The following RCAN2 variants were observed in gnomAD, a reference collection of about 807,000 sequenced individuals.
The protein encoded by RCAN2 is regulator of calcineurin 2.
In RCAN2, 9 loss-of-function variants were observed where a neutral mutation model predicts 23.6. That is an observed-to-expected ratio of 0.38 (90% CI 0.23 to 0.67). The LOEUF is 0.67. Ranked by LOEUF, RCAN2 falls within the 30% of genes least tolerant of loss-of-function variation. The pLI is 0.51. For missense variants in RCAN2, 273 were observed against 302.3 expected (o/e 0.90, Z 0.72); for synonymous variants, 109 against 115.7 (o/e 0.94, Z 0.37).
chr6:46,376,731 G>A lies in RCAN2; in HGVS notation c.225+80021C>T, dbSNP rs183785998. On this transcript the variant is annotated intron_variant, in intron 2 of 4. Transcript: ENST00000371374. ...ACAAACAAACAAAAAAAAAAAACAC[G>A]GTAGGCTCTGGGCCTCCACTCAGAG... Among the ~76,000 whole-genome samples the A allele has an allele frequency of 3.4e-4, 51 of 151,914 alleles. 1 individual carries two copies. The highest frequency in any genetic ancestry group is 1.2e-3 in the African/African-American group (48 of 41,402).
intron 2 of RCAN2, among the ~76,000 whole-genome samples, chr6:46,428,603 G>A (rs532482236): frequency 4.3e-4 from 66 of 152,328 alleles, no homozygotes; most frequent in African/African-American, 1.3e-3. Flanking sequence ...TAATCATCAT[G>A]CTTTGGATAT....
chr6:46,246,549 C>T (rs910555927), intron 4 of RCAN2, among the ~76,000 whole-genome samples, 199 bp downstream of exon 4: 5 of 152,160 alleles, frequency 3.3e-5, no homozygotes, highest in Admixed American at 1.3e-4. Flanking sequence ...AGTACAGGTT[C>T]CTGAGTTGCT....
At chr6:46,241,272 G>C (rs960313595) in intron 4 of RCAN2, among the ~76,000 whole-genome samples, 1 of 152,152 alleles carries the variant, frequency 6.6e-6, no homozygotes, top group Non-Finnish European at 1.5e-5. Flanking sequence ...TCTGGAGTCA[G>C]GAACAACAGA....
intron 2 of RCAN2, among the ~76,000 whole-genome samples, chr6:46,284,942 AC>A (rs1762323260): frequency 6.6e-6 from 1 of 152,230 alleles, no homozygotes; most frequent in South Asian, 2.1e-4. Flanking sequence ...GATTCTTTCA[AC>A]CTTCATTAAT....
At chr6:46,278,791 G>A (rs972966198) in intron 2 of RCAN2, among the ~76,000 whole-genome samples, 6 of 151,932 alleles carry the variant, frequency 3.9e-5, no homozygotes, top group African/African-American at 1.2e-4. Context: ...GATTAGATTC[G>A]GGCAATACAT....
At chr6:46,450,547 T>A (rs1312152584) in intron 2 of RCAN2, among the ~76,000 whole-genome samples, 1 of 152,096 alleles carries the variant, frequency 6.6e-6, no homozygotes, top group Non-Finnish European at 1.5e-5. Context: ...TTAACCTAAG[T>A]GTTCATCAAT....
At chr6:46,351,278 A>T (rs544519385) in intron 2 of RCAN2, among the ~76,000 whole-genome samples, 2 of 152,158 alleles carry the variant, frequency 1.3e-5, no homozygotes, top group African/African-American at 4.8e-5. Context: ...ACACTTCACA[A>T]CCAAGGCTTC....
chr6:46,454,836 C>T (rs1561912463), intron 2 of RCAN2, among the ~76,000 whole-genome samples: 1 of 152,186 alleles, frequency 6.6e-6, no homozygotes, highest in Non-Finnish European at 1.5e-5. Flanking sequence ...TAGATGTGTA[C>T]AGACTCCCAT....
intron 2 of RCAN2, among the ~76,000 whole-genome samples, chr6:46,349,486 G>A (rs1205653239): frequency 6.6e-6 from 1 of 151,856 alleles, no homozygotes; most frequent in Non-Finnish European, 1.5e-5. Context: ...TAAATGACAG[G>A]TTGATAGGTG....
In RCAN2 at chr6:46,284,596, C is replaced by T. The variant is rs1443876614; in HGVS notation, c.226-35700G>A. 2.6e-5 allele frequency among the ~76,000 whole-genome samples: 4 copies of T among 152,164 alleles called. No individual in the cohort carries two copies. In the East Asian group the frequency reaches 7.7e-4, roughly 29 times the overall value. ...GCAGCAAAGGAGAAACTGACATTTG[C>T]ATCATGACTATTCCTAAGTGGTCCT... On this transcript the variant is annotated intron_variant, in intron 2 of 4. Coordinates refer to ENST00000371374, the MANE Select transcript of RCAN2 (RefSeq NM_001251974.2).
At chr6:46,446,388 C>A (rs1039954457) in intron 2 of RCAN2, among the ~76,000 whole-genome samples, 1 of 151,984 alleles carries the variant, frequency 6.6e-6, no homozygotes, top group Non-Finnish European at 1.5e-5. Flanking sequence ...AAAAATACTT[C>A]CCCAGACAAA....
chr6:46,416,897 G>A (rs925754239), intron 2 of RCAN2, among the ~76,000 whole-genome samples: 6 of 152,150 alleles, frequency 3.9e-5, no homozygotes, highest in Non-Finnish European at 7.4e-5. Flanking sequence ...GCTTATTATA[G>A]AACTGAGATT....
At chr6:46,401,327 T>G (rs372255734) in intron 2 of RCAN2, among the ~76,000 whole-genome samples, 1 of 152,196 alleles carries the variant, frequency 6.6e-6, no homozygotes, top group African/African-American at 2.4e-5. Context: ...TTAGGGACTT[T>G]GTTGCTGATC....
chr6:46,228,037 G>T (rs1416087537), intron 4 of RCAN2, among the ~76,000 whole-genome samples: 1 of 152,210 alleles, frequency 6.6e-6, no homozygotes, highest in East Asian at 1.9e-4. Flanking sequence ...TATGTACCCA[G>T]TAATCATTCA....
At chr6:46,303,635 C>T (rs1385243917) in intron 2 of RCAN2, among the ~76,000 whole-genome samples, 1 of 152,094 alleles carries the variant, frequency 6.6e-6, no homozygotes, top group Non-Finnish European at 1.5e-5. Flanking sequence ...CGTTTCTGCC[C>T]TCTTCCAGTC....
At chr6:46,346,837 A>T (rs2150375948) in intron 2 of RCAN2, among the ~76,000 whole-genome samples, 1 of 151,888 alleles carries the variant, frequency 6.6e-6, no homozygotes, top group South Asian at 2.1e-4. Context: ...GAAAAATCTA[A>T]CCAGTTTTTA....
In RCAN2 at chr6:46,221,855, G is replaced by A. The variant is rs771919593; in HGVS notation, c.*1286C>T. On this transcript the variant is annotated 3_prime_UTR_variant, in exon 5 of 5. Transcript: ENST00000371374. Reference sequence around the variant, plus strand: ...AGCAGAAGGTAATGGTTCTATAGGTGTATCTTCTGTAATGCACTTTGGGCT... The same window carrying A: ...AGCAGAAGGTAATGGTTCTATAGGTATATCTTCTGTAATGCACTTTGGGCT... 28 of 398,204 alleles carry A rather than the reference G, an allele frequency of 7.0e-5. No homozygotes were observed. Among genetic ancestry groups the A allele is most frequent in the South Asian group, 1.3e-4 (1 of 7,848 alleles). The allele number at this position is 398,204 out of a possible 1,614,324, so 24.7% of individuals were successfully genotyped here. A position where few individuals can be genotyped will look rare whatever the true frequency, so the allele number is the denominator to read the frequency against.
chr6:46,484,845 T>C (rs1387627341), intron 1 of RCAN2, among the ~76,000 whole-genome samples: 2 of 152,186 alleles, frequency 1.3e-5, no homozygotes, highest in African/African-American at 2.4e-5. Flanking sequence ...CTTGAACCAA[T>C]TGTTAGGCAT....
At chr6:46,477,369 T>C (rs1768743897) in intron 1 of RCAN2, among the ~76,000 whole-genome samples, 1 of 152,164 alleles carries the variant, frequency 6.6e-6, no homozygotes, top group African/African-American at 2.4e-5. Context: ...CTAACATTTT[T>C]GGGTAACACA....
Sources: allele counts gnomAD v4.1 joint callset (sites outside exome capture counted in the v4.1 genomes callset), GRCh38; gene constraint gnomAD v4.1.1; transcripts MANE v1.5; gene names NCBI Gene and HGNC (gene_info 2026-07-23, HGNC 2026-07-21).